The following DNAAF9 variants were observed in gnomAD, a reference collection of about 807,000 sequenced individuals.
DNAAF9 encodes shulin.
Under a neutral mutation model 167.0 loss-of-function variants are expected in DNAAF9, and 90 were observed. The observed-to-expected ratio is 0.54, with a 90% CI of 0.45 to 0.64. The LOEUF (loss-of-function observed/expected upper bound fraction) is 0.64, where lower values mean the gene tolerates loss of function less well. DNAAF9 is among the 30% of genes least tolerant of loss of function. The pLI, the probability that DNAAF9 is intolerant of heterozygous loss-of-function variation, is 0.00. For synonymous variants in DNAAF9, 491 were observed against 508.8 expected (o/e 0.96, Z 0.47); for missense variants, 1,315 against 1,442.2 (o/e 0.91, Z 1.43).
chr20:3,335,495 GC>G (rs2069919668), intron 10 of DNAAF9, among the ~76,000 whole-genome samples: 1 of 151,214 alleles, frequency 6.6e-6, no homozygotes, highest in Non-Finnish European at 1.5e-5. Flanking sequence ...GGTGGGTCAC[GC>G]CTGTAATCCT....
chr20:3,359,572 G>T lies in DNAAF9; in HGVS notation c.634C>A (p.Leu212Ile). ...KYELQDVSLN[L>I]WNVYSKMDPM... ...TCCATCTTGCTGTAGACATTCCATA[G>T]ATTCAAACTCACATCCTGCAACTGC... is the stretch of plus-strand genomic sequence containing the variant. The change falls in exon 7 of 37, where the codon CTA becomes ATA. Residue 212 changes from leucine (L) to isoleucine (I), a missense_variant. Physicochemically the swap from Leu to Ile is conservative, Grantham distance 5. Coordinates refer to ENST00000252032, the MANE Select transcript of DNAAF9 (RefSeq NM_001009984.3). 6.2e-7 allele frequency: 1 copy of T among 1,612,472 alleles called. No individual in the cohort carries two copies. Among genetic ancestry groups the T allele is most frequent in the Non-Finnish European group, 8.5e-7 (1 of 1,179,330 alleles).
At chr20:3,344,637 A>C (rs921472939) in intron 8 of DNAAF9, among the ~76,000 whole-genome samples, 3 of 127,922 alleles carry the variant, frequency 2.3e-5, no homozygotes, top group Non-Finnish European at 5.0e-5. Context: ...ACACACACAC[A>C]CACCTCATGT....
intron 1 of DNAAF9, among the ~76,000 whole-genome samples, chr20:3,393,551 A>T (rs1273193419): frequency 6.6e-6 from 1 of 152,074 alleles, no homozygotes; most frequent in Non-Finnish European, 1.5e-5. Flanking sequence ...ATCAAATAAA[A>T]CTGTTGTACT....
chr20:3,332,936 T>TGG lies in DNAAF9; in HGVS notation c.982-577_982-576dup, dbSNP rs1568610337. On this transcript the variant is annotated intron_variant, in intron 10 of 36. Coordinates refer to ENST00000252032, the MANE Select transcript of DNAAF9 (RefSeq NM_001009984.3). ...GTGTGTGTGTGTGTGTGTGTGTGTG[T>TGG]GGTTTAAACCTTGGCTATATTGTGA... Among the ~76,000 whole-genome samples the TGG allele has an allele frequency of 2.7e-3, 401 of 150,464 alleles. 3 individuals are homozygous for TGG. Among genetic ancestry groups the TGG allele is most frequent in the African/African-American group, 9.4e-3 (385 of 40,756 alleles).
At chr20:3,261,918 C>A (rs1465597267) in intron 31 of DNAAF9, among the ~76,000 whole-genome samples, 8 of 151,852 alleles carry the variant, frequency 5.3e-5, no homozygotes, top group Non-Finnish European at 1.0e-4. Context: ...AAACTAGAAA[C>A]AAGCTGTTCT....
intron 30 of DNAAF9, among the ~76,000 whole-genome samples, chr20:3,267,409 A>G (rs1374761709): frequency 3.3e-5 from 5 of 152,118 alleles, no homozygotes. Context: ...CTAATTCTCC[A>G]AGGAGTCCTG....
In DNAAF9 at chr20:3,250,976, C is replaced by T. The variant is rs1184718984; in HGVS notation, c.*1596G>A. On this transcript the variant is annotated 3_prime_UTR_variant, in exon 37 of 37. Coordinates refer to ENST00000252032, the MANE Select transcript of DNAAF9 (RefSeq NM_001009984.3). ...CCCTTGACGGACCGCAGCCTCTGGC[C>T]AGCCAGAAGTCAGGGGGCTCCCAGA... is the stretch of plus-strand genomic sequence containing the variant. 6.6e-6 allele frequency: 1 copy of T among 152,194 alleles called. No homozygotes were observed. Among genetic ancestry groups the T allele is most frequent in the Non-Finnish European group, 1.5e-5 (1 of 68,034 alleles). The allele number at this position is 152,194 out of a possible 1,614,324, so 9.4% of individuals were successfully genotyped here.
At chr20:3,332,897 T>TG (rs776497912) in intron 10 of DNAAF9, among the ~76,000 whole-genome samples, 6,791 of 131,596 alleles carry the variant, frequency 0.052, 230 homozygotes, top group African/African-American at 0.09. Flanking sequence ...CGTGTGTGCG[T>TG]GTGGTGTGTG....
intron 32 of DNAAF9, 150 bp downstream of exon 32, chr20:3,259,772 C>T: frequency 1.5e-6 from 1 of 667,450 alleles, no homozygotes. Flanking sequence ...ATTGTGTGAC[C>T]ACCCACAATC....
At chr20:3,391,105 C>G (rs1387279415) in intron 1 of DNAAF9, among the ~76,000 whole-genome samples, 1 of 152,174 alleles carries the variant, frequency 6.6e-6, no homozygotes, top group East Asian at 1.9e-4. Flanking sequence ...AAAGAAAGTG[C>G]AAGCATATAA....
chr20:3,279,418 T>G (rs1231816168), intron 28 of DNAAF9, among the ~76,000 whole-genome samples: 1 of 152,162 alleles, frequency 6.6e-6, no homozygotes, highest in Middle Eastern at 3.2e-3. Context: ...AAAAGGTGAA[T>G]GAAAAGCAGG....
chr20:3,380,522 C>T (rs771045564), intron 3 of DNAAF9, among the ~76,000 whole-genome samples: 4 of 152,206 alleles, frequency 2.6e-5, no homozygotes, highest in Non-Finnish European at 5.9e-5. Flanking sequence ...CCTCTATCCA[C>T]TAGATGCCAG....
chr20:3,394,207 G>A (rs1434026975), intron 1 of DNAAF9, among the ~76,000 whole-genome samples: 1 of 151,988 alleles, frequency 6.6e-6, no homozygotes, highest in East Asian at 1.9e-4. Context: ...GCATGGTGGT[G>A]TGTGCCTATA....
At chr20:3,395,641 G>A (rs963350513) in intron 1 of DNAAF9, among the ~76,000 whole-genome samples, 2 of 152,062 alleles carry the variant, frequency 1.3e-5, no homozygotes, top group Non-Finnish European at 2.9e-5. Context: ...AAACTCTTCT[G>A]CTGGGAATTT....
At chr20:3,375,151 A>G (rs775167873) in intron 4 of DNAAF9, 25 bp from the exon 5 acceptor site, 3 of 1,310,346 alleles carry the variant, frequency 2.3e-6, no homozygotes, top group Admixed American at 3.4e-5. Context: ...CAAAAGAAAA[A>G]TAAGCTCTGA....
intron 20 of DNAAF9, among the ~76,000 whole-genome samples, chr20:3,305,697 T>A (rs1391324539): frequency 6.6e-6 from 1 of 152,088 alleles, no homozygotes; most frequent in Non-Finnish European, 1.5e-5. Context: ...TAGTATGTGT[T>A]CACAGGGGAC....
At chr20:3,252,769 G>A in intron 36 of DNAAF9, 85 bp from the exon 37 acceptor site, 1 of 808,514 alleles carries the variant, frequency 1.2e-6, no homozygotes, top group Non-Finnish European at 2.2e-6. Flanking sequence ...GGCAGGTGAG[G>A]GGGGTTTGCT....
At chr20:3,399,883 C>T (rs2083959959) in intron 1 of DNAAF9, among the ~76,000 whole-genome samples, 1 of 152,168 alleles carries the variant, frequency 6.6e-6, no homozygotes, top group South Asian at 2.1e-4. Context: ...AAGCATCTCG[C>T]CAGCTGCCAA....
At chr20:3,294,709 C>G (rs2069033336) in intron 23 of DNAAF9, 80 bp from the exon 24 acceptor site, 2 of 886,954 alleles carry the variant, frequency 2.3e-6, no homozygotes, top group African/African-American at 1.7e-5. Context: ...CTGATGCTTT[C>G]AAGCCAGAGT....
Sources: allele counts gnomAD v4.1 joint callset (sites outside exome capture counted in the v4.1 genomes callset), GRCh38; gene constraint gnomAD v4.1.1; transcripts MANE v1.5; gene names NCBI Gene and HGNC (gene_info 2026-07-23, HGNC 2026-07-21).